The following ARK2C variants were observed in gnomAD, a reference collection of about 807,000 sequenced individuals.
ARK2C encodes arkadia (RNF111) C-terminal like ring finger ubiquitin ligase 2C.
At chr18:46,351,144 G>A in the ARK2C span, among the ~76,000 whole-genome samples, 1 of 152,236 alleles carries the variant, frequency 6.6e-6, no homozygotes, top group Non-Finnish European at 1.5e-5. Flanking sequence ...TCTTTGCTGG[G>A]AGGAGGCCCT....
chr18:46,410,848 C>A, the ARK2C span, among the ~76,000 whole-genome samples: 2,550 of 152,304 alleles, frequency 0.017, 39 homozygotes, highest in East Asian at 0.094. Flanking sequence ...TCAGCAAGTC[C>A]TCCTTAAACT....
the ARK2C span, among the ~76,000 whole-genome samples, chr18:46,449,253 G>A: frequency 3.3e-4 from 50 of 152,350 alleles, no homozygotes; most frequent in African/African-American, 1.1e-3. Flanking sequence ...TAGCCAGGGT[G>A]AGGGAAAGGC....
chr18:46,450,043 C>T, the ARK2C span, among the ~76,000 whole-genome samples: 3 of 152,144 alleles, frequency 2.0e-5, no homozygotes, highest in Non-Finnish European at 2.9e-5. Context: ...CAATTAGTCA[C>T]GTTAAGTGCT....
At chr18:46,420,297 C>G in the ARK2C span, among the ~76,000 whole-genome samples, 1 of 152,154 alleles carries the variant, frequency 6.6e-6, no homozygotes, top group East Asian at 1.9e-4. Flanking sequence ...TGGGGCAGAA[C>G]AGAGGAGGGC....
At chr18:46,372,198 G>T in the ARK2C span, among the ~76,000 whole-genome samples, 7 of 152,178 alleles carry the variant, frequency 4.6e-5, no homozygotes, top group East Asian at 1.3e-3. Context: ...GGCACTGAAG[G>T]GTCCTCCCTG....
At chr18:46,435,420 G>T in the ARK2C span, 1 of 1,497,210 alleles carries the variant, frequency 6.7e-7, no homozygotes, top group South Asian at 1.1e-5. Context: ...GCCCCTGGGG[G>T]AGGAAGGGAG....
the ARK2C span, among the ~76,000 whole-genome samples, chr18:46,413,890 GA>G: frequency 8.5e-5 from 13 of 152,116 alleles, no homozygotes; most frequent in Admixed American, 7.9e-4. Context: ...ATGTCTCATG[GA>G]TCCTTCCAGG....
chr18:46,384,011 C>G, the ARK2C span, among the ~76,000 whole-genome samples: 1 of 152,246 alleles, frequency 6.6e-6, no homozygotes, highest in Non-Finnish European at 1.5e-5. Context: ...ACACAGTCCT[C>G]TTTCTGTATT....
At chr18:46,382,605 T>C in the ARK2C span, among the ~76,000 whole-genome samples, 2,415 of 152,314 alleles carry the variant, frequency 0.016, 66 homozygotes, top group African/African-American at 0.055. Flanking sequence ...TCAGTTAGCC[T>C]TGCATGACTT....
At chr18:46,450,367 C>A in the ARK2C span, 1 of 1,613,944 alleles carries the variant, frequency 6.2e-7, no homozygotes, top group Non-Finnish European at 8.5e-7. Context: ...TAAATCCCAG[C>A]AGACACACCT....
the ARK2C span, among the ~76,000 whole-genome samples, chr18:46,361,270 C>G: frequency 2.6e-5 from 4 of 152,194 alleles, no homozygotes; most frequent in Non-Finnish European, 5.9e-5. Flanking sequence ...CTCAACCTTG[C>G]TCTCCAAAGT....
the ARK2C span, among the ~76,000 whole-genome samples, chr18:46,371,297 G>A: frequency 6.6e-6 from 1 of 152,148 alleles, no homozygotes; most frequent in Non-Finnish European, 1.5e-5. Flanking sequence ...GGTCAGGGGA[G>A]ACAGGAGCCT....
the ARK2C span, chr18:46,450,427 G>C: frequency 4.7e-6 from 7 of 1,490,812 alleles, no homozygotes; most frequent in Non-Finnish European, 6.6e-6. Context: ...GGTACCAACT[G>C]GGTTGGTGGA....
the ARK2C span, among the ~76,000 whole-genome samples, chr18:46,361,890 G>A: frequency 6.6e-6 from 1 of 152,234 alleles, no homozygotes; most frequent in African/African-American, 2.4e-5. Context: ...ATCCTTTTCA[G>A]CTCAAATTTC....
the ARK2C span, chr18:46,336,060 T>C: frequency 4.1e-6 from 4 of 984,476 alleles, no homozygotes; most frequent in African/African-American, 1.8e-5. Context: ...TGAGGGGGAG[T>C]GGGTGTGTGA....
the ARK2C span, among the ~76,000 whole-genome samples, chr18:46,385,494 C>T: frequency 2.0e-5 from 3 of 152,214 alleles, no homozygotes; most frequent in East Asian, 5.8e-4. Flanking sequence ...CGTGGCTCTA[C>T]TGACTCTAGT....
At chr18:46,413,352 T>G in the ARK2C span, among the ~76,000 whole-genome samples, 1 of 152,000 alleles carries the variant, frequency 6.6e-6, no homozygotes, top group African/African-American at 2.4e-5. Context: ...CTATCTGCAT[T>G]AGCCTGTCCC....
the ARK2C span, chr18:46,385,805 G>C: frequency 6.6e-6 from 1 of 152,196 alleles, no homozygotes; most frequent in Non-Finnish European, 1.5e-5. Flanking sequence ...TTGGAAAAGA[G>C]ATTTTTGCCC....
the ARK2C span, among the ~76,000 whole-genome samples, chr18:46,412,739 C>G: frequency 3.2e-4 from 49 of 152,224 alleles, 3 homozygotes; most frequent in East Asian, 8.9e-3. Context: ...TAGAAAATGA[C>G]AAGGCCGCCT....
Sources: gnomAD v4.1 joint callset for allele counts (sites outside exome capture counted in the v4.1 genomes callset) on GRCh38, gnomAD v4.1.1 for gene constraint, MANE v1.5 for transcripts, NCBI Gene and HGNC (gene_info 2026-07-23, HGNC 2026-07-21) for gene names.